RBPMS: variants seen among roughly 807,000 people sequenced by gnomAD.
RBPMS encodes RNA-binding protein with multiple splicing.
A neutral mutation model predicts 26.8 loss-of-function variants in RBPMS; 7 were observed. The observed-to-expected ratio is 0.26, with a 90% CI of 0.15 to 0.49. RBPMS has a LOEUF of 0.49. Ranked by LOEUF, RBPMS falls within the 20% of genes least tolerant of loss-of-function variation. The pLI is 0.98. For synonymous variants in RBPMS, 96 were observed against 93.3 expected (o/e 1.03, Z -0.17); for missense variants, 186 against 250.0 (o/e 0.74, Z 1.73).
chr8:30,437,510 G>A (rs186000067), intron 1 of RBPMS, among the ~76,000 whole-genome samples: 1 of 151,892 alleles, frequency 6.6e-6, no homozygotes, highest in East Asian at 2.0e-4. Context: ...CAAAAATTAG[G>A]CTGGGCTTGG....
intron 6 of RBPMS, among the ~76,000 whole-genome samples, chr8:30,554,775 C>G (rs913743314): frequency 6.6e-6 from 1 of 152,152 alleles, no homozygotes; most frequent in African/African-American, 2.4e-5. Flanking sequence ...AGAAAACAGT[C>G]CAACCAGAGA....
At chr8:30,421,152 TGTG>T (rs1051123820) in intron 1 of RBPMS, among the ~76,000 whole-genome samples, 5 of 150,752 alleles carry the variant, frequency 3.3e-5, no homozygotes, top group East Asian at 1.9e-4. Flanking sequence ...CTTAGGGAGG[TGTG>T]TGTGTGTGTG....
intron 4 of RBPMS, among the ~76,000 whole-genome samples, chr8:30,481,556 T>A (rs1818279039): frequency 6.6e-6 from 1 of 152,196 alleles, no homozygotes; most frequent in South Asian, 2.1e-4. Flanking sequence ...CTTTTTTTTT[T>A]TCACTGGCAG....
intron 7 of RBPMS, among the ~76,000 whole-genome samples, chr8:30,560,938 T>C (rs1473620218): frequency 6.6e-6 from 1 of 152,228 alleles, no homozygotes. Flanking sequence ...TCTGTGATGA[T>C]ATTTAAAACC....
chr8:30,468,999 G>C (rs946374079), intron 1 of RBPMS, among the ~76,000 whole-genome samples: 1 of 152,218 alleles, frequency 6.6e-6, no homozygotes. Flanking sequence ...GCCCAGCTCA[G>C]AGCAGCTAGA....
At chr8:30,528,348 T>G (rs894902896) in intron 5 of RBPMS, among the ~76,000 whole-genome samples, 2 of 152,168 alleles carry the variant, frequency 1.3e-5, no homozygotes, top group Non-Finnish European at 2.9e-5. Flanking sequence ...CCTGAAATTT[T>G]ACTGGTACAG....
chr8:30,544,747 A>G lies in RBPMS; in HGVS notation c.528+123A>G, dbSNP rs759737649. 5 of 1,600,144 alleles carry G rather than the reference A, an allele frequency of 3.1e-6. No individual in the cohort carries two copies. In the South Asian group the frequency reaches 5.5e-5, roughly 18 times the overall value. ...CTAACAGATCCACCCTCAAGAGATTAATGATCCCCTCTAAATCAAGCTGAC... is the reference window on the plus strand; with the variant it reads ...CTAACAGATCCACCCTCAAGAGATTGATGATCCCCTCTAAATCAAGCTGAC... On this transcript the variant is annotated intron_variant, in intron 6 of 8. Coordinates refer to ENST00000397323, the MANE Select transcript of RBPMS (RefSeq NM_001008710.3).
intron 4 of RBPMS, among the ~76,000 whole-genome samples, chr8:30,498,099 T>C (rs990656615): frequency 6.6e-6 from 1 of 151,242 alleles, no homozygotes; most frequent in African/African-American, 2.4e-5. Flanking sequence ...TTTTATCCTA[T>C]AGTAAAAGGC....
intron 6 of RBPMS, among the ~76,000 whole-genome samples, chr8:30,546,895 C>G (rs748598833): frequency 5.9e-5 from 9 of 152,190 alleles, no homozygotes; most frequent in Non-Finnish European, 1.2e-4. Flanking sequence ...AGGGGCTCTA[C>G]CATGACTAGA....
At chr8:30,544,851 T>C (rs1284121690) in intron 6 of RBPMS, 19 of 1,519,244 alleles carry the variant, frequency 1.3e-5, no homozygotes, top group Middle Eastern at 3.4e-4. Context: ...ATGACACCTC[T>C]CTCTTCCTTA....
intron 1 of RBPMS, among the ~76,000 whole-genome samples, chr8:30,463,667 T>C (rs1381452001): frequency 2.0e-5 from 3 of 152,226 alleles, no homozygotes; most frequent in African/African-American, 7.2e-5. Context: ...TCCACTTCTT[T>C]AAGGGAGGAA....
chr8:30,537,596 A>G (rs1376365402), intron 5 of RBPMS: 1 of 456,156 alleles, frequency 2.2e-6, no homozygotes, highest in Non-Finnish European at 4.4e-6. Context: ...GCTAATGAAC[A>G]TGGAGAGAGG....
chr8:30,556,798 G>A (rs1000020676), intron 6 of RBPMS: 9 of 985,698 alleles, frequency 9.1e-6, no homozygotes, highest in Non-Finnish European at 2.4e-6. Context: ...GCCGTGGGTA[G>A]GTATGAGTTC....
intron 4 of RBPMS, among the ~76,000 whole-genome samples, chr8:30,490,342 C>A (rs536809941): frequency 6.6e-6 from 1 of 152,308 alleles, no homozygotes; most frequent in Non-Finnish European, 1.5e-5. Context: ...TAATTGTGCA[C>A]ATCTTTCTCC....
intron 5 of RBPMS, among the ~76,000 whole-genome samples, chr8:30,518,168 G>A (rs1250510902): frequency 1.3e-5 from 2 of 152,170 alleles, no homozygotes; most frequent in South Asian, 2.1e-4. Context: ...GTATGGAGAC[G>A]TTTCTTGTGT....
intron 1 of RBPMS, among the ~76,000 whole-genome samples, chr8:30,464,275 AT>A (rs1391405201): frequency 1.3e-5 from 2 of 152,180 alleles, no homozygotes; most frequent in Admixed American, 1.3e-4. Context: ...ATAGATACTG[AT>A]CACCTCCTGC....
chr8:30,569,328 G>A (rs182786110), intron 8 of RBPMS, among the ~76,000 whole-genome samples: 106 of 152,340 alleles, frequency 7.0e-4, no homozygotes, highest in African/African-American at 2.5e-3. Flanking sequence ...GAAGGAAAAG[G>A]TCTCAGGAAA....
intron 1 of RBPMS, among the ~76,000 whole-genome samples, chr8:30,437,407 C>T (rs940299239): frequency 6.6e-6 from 1 of 151,768 alleles, no homozygotes; most frequent in Non-Finnish European, 1.5e-5. Context: ...GTAATCCCAG[C>T]ACTTTGGGAG....
At position 30,462,775 on chromosome 8, in the gene RBPMS, A is replaced by G. The variant is rs1169699557; in HGVS notation, c.67-12004A>G. 2.6e-5 allele frequency among the ~76,000 whole-genome samples: 4 copies of G among 152,102 alleles called. 1 individual carries two copies. The highest frequency in any genetic ancestry group is 9.7e-5 in the African/African-American group (4 of 41,412). ...TTTTAATCTCAAAAATGGAATATAA[A>G]GAGAGACAGAGATTTTCCTGATGGG... On this transcript the variant is annotated intron_variant, in intron 1 of 8. Coordinates refer to ENST00000397323, the MANE Select transcript of RBPMS (RefSeq NM_001008710.3).
Sources: allele counts gnomAD v4.1 joint callset (sites outside exome capture counted in the v4.1 genomes callset), GRCh38; gene constraint gnomAD v4.1.1; transcripts MANE v1.5; gene names NCBI Gene and HGNC (gene_info 2026-07-23, HGNC 2026-07-21).